Variants in MACROD2 observed in about 807,000 individuals in gnomAD.
MACROD2 encodes mono-ADP ribosylhydrolase 2.
MACROD2 carries 36 observed loss-of-function variants against 70.4 expected under a neutral mutation model. That is an observed-to-expected ratio of 0.51 (90% CI 0.39 to 0.68). The LOEUF (loss-of-function observed/expected upper bound fraction) is 0.68. MACROD2 is among the 30% of genes least tolerant of loss of function. The pLI is 0.00. For synonymous variants in MACROD2, 172 were observed against 178.8 expected, an observed-to-expected ratio of 0.96 and a Z score of 0.30; for missense variants, 496 against 538.4, an observed-to-expected ratio of 0.92 and a Z score of 0.78.
intron 5 of MACROD2, among the ~76,000 whole-genome samples, chr20:15,162,883 G>A (rs1219636278): frequency 1.3e-5 from 2 of 152,072 alleles, no homozygotes; most frequent in Non-Finnish European, 2.9e-5. Context: ...AAAGCTTGGT[G>A]ATAACAAAGG....
chr20:14,421,591 T>C (rs2083876615), intron 3 of MACROD2, among the ~76,000 whole-genome samples: 1 of 152,162 alleles, frequency 6.6e-6, no homozygotes, highest in South Asian at 2.1e-4. Flanking sequence ...AATAAGTTTT[T>C]GTTTGTTGTG....
At chr20:14,082,724 A>G (rs1348472133) in intron 2 of MACROD2, among the ~76,000 whole-genome samples, 1 of 152,098 alleles carries the variant, frequency 6.6e-6, no homozygotes, top group Non-Finnish European at 1.5e-5. Flanking sequence ...AAGTCTGTCA[A>G]TTTAATGCCT....
chr20:15,879,328 T>C (rs2064720133), intron 9 of MACROD2, among the ~76,000 whole-genome samples: 1 of 152,056 alleles, frequency 6.6e-6, no homozygotes, highest in African/African-American at 2.4e-5. Context: ...GACTATCACC[T>C]TTTTTTAATA....
intron 8 of MACROD2, among the ~76,000 whole-genome samples, chr20:15,563,717 A>G (rs1297777467): frequency 2.6e-5 from 4 of 152,220 alleles, no homozygotes; most frequent in African/African-American, 9.6e-5. Context: ...ATTTTATTGC[A>G]CACTTCTAGC....
At chr20:15,995,510 C>T (rs113276223) in intron 15 of MACROD2, among the ~76,000 whole-genome samples, 2,870 of 150,562 alleles carry the variant, frequency 0.019, 41 homozygotes, top group African/African-American at 0.033. Flanking sequence ...CCACCGTGCC[C>T]GGCTAATTTT....
intron 4 of MACROD2, among the ~76,000 whole-genome samples, chr20:14,654,575 A>T (rs1985871422): frequency 6.6e-6 from 1 of 151,998 alleles, no homozygotes; most frequent in East Asian, 1.9e-4. Flanking sequence ...TTCTTTGAAA[A>T]CTTGTTTTCT....
intron 8 of MACROD2, among the ~76,000 whole-genome samples, chr20:15,592,769 T>A (rs1198011001): frequency 1.3e-5 from 2 of 152,258 alleles, no homozygotes; most frequent in East Asian, 3.8e-4. Context: ...CTTCATTATT[T>A]GCAATCTCAG....
At chr20:14,108,963 C>A (rs2054409319) in intron 3 of MACROD2, among the ~76,000 whole-genome samples, 1 of 152,056 alleles carries the variant, frequency 6.6e-6, no homozygotes, top group South Asian at 2.1e-4. Flanking sequence ...GCAGAATACA[C>A]AGTCTTTTCC....
intron 5 of MACROD2, among the ~76,000 whole-genome samples, chr20:15,080,380 T>C (rs2075694363): frequency 6.6e-6 from 1 of 152,158 alleles, no homozygotes; most frequent in South Asian, 2.1e-4. Flanking sequence ...AGTATATGTA[T>C]CTTAATATGC....
chr20:15,190,890 A>G (rs1382240899), intron 5 of MACROD2, among the ~76,000 whole-genome samples: 1 of 152,196 alleles, frequency 6.6e-6, no homozygotes, highest in Non-Finnish European at 1.5e-5. Flanking sequence ...TTTAAGAGTC[A>G]TATAGTTCAG....
chr20:15,850,243 T>A (rs970269038), intron 8 of MACROD2, among the ~76,000 whole-genome samples: 4 of 152,012 alleles, frequency 2.6e-5, no homozygotes, highest in Admixed American at 2.6e-4. Context: ...CATTTATCCC[T>A]CTGGAGAACT....
chr20:14,514,597 T>TA (rs2085070048), intron 4 of MACROD2, among the ~76,000 whole-genome samples: 1 of 152,170 alleles, frequency 6.6e-6, no homozygotes, highest in Non-Finnish European at 1.5e-5. Flanking sequence ...GAATTTTTTT[T>TA]ATCGCAGGTA....
chr20:15,347,066 T>C (rs570038130), intron 6 of MACROD2, among the ~76,000 whole-genome samples: 1 of 152,318 alleles, frequency 6.6e-6, no homozygotes, highest in Non-Finnish European at 1.5e-5. Context: ...ATTGGACCAG[T>C]TCTATGCCAG....
chr20:14,528,321 G>GGT, intron 4 of MACROD2, among the ~76,000 whole-genome samples: 1 of 137,044 alleles, frequency 7.3e-6, no homozygotes, highest in East Asian at 2.2e-4. Context: ...CAGGGTTTCT[G>GGT]TTTTTTTTTT....
intron 4 of MACROD2, among the ~76,000 whole-genome samples, chr20:14,637,720 A>G (rs929581427): frequency 3.3e-5 from 5 of 152,044 alleles, no homozygotes; most frequent in Non-Finnish European, 7.4e-5. Flanking sequence ...ATGTTGCTCA[A>G]ACCCACTGAG....
At chr20:14,694,822 G>C (rs184753035) in intron 5 of MACROD2, among the ~76,000 whole-genome samples, 2 of 152,140 alleles carry the variant, frequency 1.3e-5, no homozygotes, top group Admixed American at 6.5e-5. Context: ...CAGAGAAAAG[G>C]GGTACTTTAA....
At chr20:14,791,728 G>T (rs1032882441) in intron 5 of MACROD2, among the ~76,000 whole-genome samples, 5 of 151,772 alleles carry the variant, frequency 3.3e-5, no homozygotes, top group African/African-American at 1.2e-4. Flanking sequence ...GAAGAAATTC[G>T]TATATGTAAC....
At chr20:15,855,601 A>G (rs1449475315) in intron 8 of MACROD2, among the ~76,000 whole-genome samples, 4 of 152,178 alleles carry the variant, frequency 2.6e-5, no homozygotes, top group African/African-American at 9.7e-5. Context: ...ATTTTCACAA[A>G]CTGAACACAT....
chr20:14,826,891 A>T (rs2072908600), intron 5 of MACROD2, among the ~76,000 whole-genome samples: 1 of 152,102 alleles, frequency 6.6e-6, no homozygotes, highest in African/African-American at 2.4e-5. Context: ...AGACAGCCTA[A>T]ATGCGGCATC....
Sources: gnomAD v4.1 joint callset for allele counts (sites outside exome capture counted in the v4.1 genomes callset) on GRCh38, gnomAD v4.1.1 for gene constraint, MANE v1.5 for transcripts, NCBI Gene and HGNC (gene_info 2026-07-23, HGNC 2026-07-21) for gene names.